MYH3: variants seen among roughly 807,000 people sequenced by gnomAD.
MYH3 encodes the protein myosin heavy chain 3.
Under a neutral mutation model 238.0 loss-of-function variants are expected in MYH3, and 130 were observed. That is an observed-to-expected ratio of 0.55 (90% confidence interval 0.47 to 0.63). The LOEUF (loss-of-function observed/expected upper bound fraction) is 0.63. MYH3 is among the 30% of genes least tolerant of loss of function. MYH3 has a pLI of 0.00. For missense variants in MYH3, 1,853 were observed against 2,374.9 expected (o/e 0.78, Z 4.57); for synonymous variants, 880 against 924.1 (o/e 0.95, Z 0.86).
chr17:10,631,540 TCTAA>T (rs1405379428), intron 36 of MYH3, 67 bp downstream of exon 36: 84 of 1,611,622 alleles, frequency 5.2e-5, no homozygotes, highest in Non-Finnish European at 6.4e-5. Flanking sequence ...ACCGCACCTG[TCTAA>T]CTATGTGAGG....
chr17:10,673,040 T>G, the MYH3 span: 69,323 of 149,038 alleles, frequency 0.47, 16,458 homozygotes, highest in East Asian at 0.56. Flanking sequence ...AGTCTTGCCC[T>G]GTTGCCAGGC....
chr17:10,676,591 G>A, the MYH3 span: 1 of 152,128 alleles, frequency 6.6e-6, no homozygotes, highest in Non-Finnish European at 1.5e-5. Flanking sequence ...AGGAAAAAAA[G>A]AAAACTCAAG....
At chr17:10,664,224 C>G in the MYH3 span, among the ~76,000 whole-genome samples, 1 of 152,136 alleles carries the variant, frequency 6.6e-6, no homozygotes, top group African/African-American at 2.4e-5. Flanking sequence ...ATTTTCGTCT[C>G]TGCTCTGCTA....
Position 10,644,459 on chromosome 17 carries a change from T to C in MYH3, c.1302A>G (p.Glu434=), listed in dbSNP as rs184816220. ...GAGTGACCATCCACAAGAACAACTT[T>C]TCATAAACTGATTTTGAAAGAGCAT... ...AVNALSKSVY[E]KLFLWMVTRI... The change falls in exon 14 of 41, where the codon GAA becomes GAG. Residue 434 remains glutamate (E), a synonymous_variant. Coordinates refer to ENST00000583535, the MANE Select transcript of MYH3 (RefSeq NM_002470.4). 1 of 1,614,178 alleles carries C rather than the reference T, an allele frequency of 6.2e-7. No homozygotes were observed. The highest frequency in any genetic ancestry group is 1.3e-5 in the African/African-American group (1 of 75,064).
chr17:10,651,427 G>C, intron 5 of MYH3, 85 bp downstream of exon 5: 1 of 1,604,990 alleles, frequency 6.2e-7, no homozygotes, highest in South Asian at 1.1e-5. Context: ...ACCAGATGGG[G>C]TCCAGCCTGG....
chr17:10,666,436 T>A, the MYH3 span, among the ~76,000 whole-genome samples: 3 of 94,554 alleles, frequency 3.2e-5, no homozygotes, highest in Admixed American at 1.0e-4. Flanking sequence ...CCAGCAGGCA[T>A]GGTGGTGCAT....
At chr17:10,649,779 A>G in intron 6 of MYH3, 94 bp from the exon 7 acceptor site, 3 of 1,138,008 alleles carry the variant, frequency 2.6e-6, no homozygotes, top group Non-Finnish European at 4.0e-6. Context: ...GCATGGTCTG[A>G]GCCATCTCTG....
Position 10,642,664 on chromosome 17 carries a change from G to C in MYH3, c.1641C>G (p.Thr547=). The C allele has an allele frequency of 6.2e-7, 1 of 1,614,228 alleles. No homozygotes were observed. Among genetic ancestry groups the C allele is most frequent in the Non-Finnish European group, 8.5e-7 (1 of 1,180,034 alleles). ...GGTCATACAGCTTGTTCTTGAAGGA[G>C]GTGTCTGTTGCCTTGGGGAACATGC... ...EECMFPKATD[T]SFKNKLYDQH... Residue 547 remains threonine, a synonymous_variant, in exon 16 of 41, where the codon ACC becomes ACG. Transcript: ENST00000583535. This position sits in a 1 kb window ranked among gnomAD's most constrained non-coding sequence, Gnocchi z 5.4.
the MYH3 span, among the ~76,000 whole-genome samples, chr17:10,663,337 T>C: frequency 6.6e-6 from 1 of 152,042 alleles, no homozygotes; most frequent in Non-Finnish European, 1.5e-5. Context: ...GCTGATGGTG[T>C]TCGAATGAGG....
chr17:10,638,535 T>C, intron 26 of MYH3, 103 bp from the exon 27 acceptor site: 1 of 1,459,834 alleles, frequency 6.9e-7, no homozygotes, highest in Non-Finnish European at 9.3e-7. Flanking sequence ...AACTGAGTCT[T>C]AGACTCCCCT....
At chr17:10,675,611 A>G in the MYH3 span, 1 of 152,212 alleles carries the variant, frequency 6.6e-6, no homozygotes, top group South Asian at 2.1e-4. Context: ...CTTCTGAATT[A>G]CTAACCATCT....
intron 34 of MYH3, 74 bp from the exon 35 acceptor site, chr17:10,632,090 TTTTGTTTGTTTGTTTG>T (rs370004215): frequency 6.6e-7 from 1 of 1,517,934 alleles, no homozygotes; most frequent in African/African-American, 1.4e-5. Context: ...CATCTCTGAG[TTTTGTTTGTTTGTTTG>T]TTTGTTTTTG....
At chr17:10,660,594 G>A (rs2074473549), upstream of MYH3, among the ~76,000 whole-genome samples, 1 of 151,544 alleles carries the variant, frequency 6.6e-6, no homozygotes, top group African/African-American at 2.4e-5. Context: ...AGAGAATGGT[G>A]TGAACCTGGG....
chr17:10,639,061 C>T lies in MYH3; in HGVS notation c.3231G>A (p.Leu1077=). The T allele has an allele frequency of 6.2e-7, 1 of 1,614,216 alleles. No individual in the cohort carries two copies. The change falls in exon 25 of 41, where the codon CTG becomes CTA. Residue 1077 remains leucine (L), a synonymous_variant. Coordinates refer to ENST00000583535, the MANE Select transcript of MYH3 (RefSeq NM_002470.4). ...ILDLENDKQQ[L]DERLKKKDFE... ...GGGCATACTTCTTGAGCCTTTCGTCCAGCTGTTGCTTGTCATTCTCCAGAT... is the reference window on the plus strand; with the variant it reads ...GGGCATACTTCTTGAGCCTTTCGTCTAGCTGTTGCTTGTCATTCTCCAGAT...
the MYH3 span, chr17:10,677,700 A>C: frequency 1.3e-5 from 2 of 152,342 alleles, no homozygotes; most frequent in South Asian, 2.1e-4. Flanking sequence ...TACTGCATTG[A>C]TAGGATTCTT....
At chr17:10,666,186 G>T in the MYH3 span, among the ~76,000 whole-genome samples, 1 of 152,070 alleles carries the variant, frequency 6.6e-6, no homozygotes, top group African/African-American at 2.4e-5. Flanking sequence ...TGGAAATGGG[G>T]AAGGCCCACC....
chr17:10,658,173 T>C (rs989813797), upstream of MYH3, among the ~76,000 whole-genome samples: 2 of 152,140 alleles, frequency 1.3e-5, no homozygotes, highest in African/African-American at 4.8e-5. Context: ...ACAAATGTGG[T>C]CATCTCTAAA....
the MYH3 span, among the ~76,000 whole-genome samples, chr17:10,662,558 T>C: frequency 6.6e-6 from 1 of 152,146 alleles, no homozygotes; most frequent in Non-Finnish European, 1.5e-5. Flanking sequence ...AAAAGGACAA[T>C]CTCCAAAATG....
chr17:10,656,683 C>G (rs2074434543), intron 1 of MYH3, among the ~76,000 whole-genome samples: 1 of 152,236 alleles, frequency 6.6e-6, no homozygotes, highest in Non-Finnish European at 1.5e-5. Flanking sequence ...TCAGCCTGCA[C>G]TGGCACCTTC....
Sources: allele counts gnomAD v4.1 joint callset (sites outside exome capture counted in the v4.1 genomes callset), GRCh38; gene constraint gnomAD v4.1.1; non-coding constraint Gnocchi (gnomAD v3.1); transcripts MANE v1.5; gene names NCBI Gene and HGNC (gene_info 2026-07-23, HGNC 2026-07-21).